The following SORCS1 variants were observed in gnomAD, a reference collection of about 807,000 sequenced individuals.
SORCS1 encodes VPS10 domain-containing receptor SorCS1.
A neutral mutation model predicts 146.1 loss-of-function variants in SORCS1; 60 were observed. That is an observed-to-expected ratio of 0.41 (90% CI 0.33 to 0.51). The LOEUF (loss-of-function observed/expected upper bound fraction) is 0.51. Among genes scored for constraint, SORCS1 ranks in the 20% least tolerant of loss-of-function variants. The pLI is 0.21. For synonymous variants in SORCS1, 637 were observed against 584.0 expected (o/e 1.09, Z -1.31); for missense variants, 1,352 against 1,487.6 (o/e 0.91, Z 1.50).
At chr10:106,627,399 C>A (rs1211392259) in intron 19 of SORCS1, among the ~76,000 whole-genome samples, 1 of 152,030 alleles carries the variant, frequency 6.6e-6, no homozygotes, top group South Asian at 2.1e-4. Flanking sequence ...GCAAAATCAC[C>A]CCTTATAGAA....
chr10:106,679,390 T>G (rs905616918), intron 11 of SORCS1, 58 bp from the exon 12 acceptor site: 10 of 1,386,642 alleles, frequency 7.2e-6, no homozygotes, highest in Non-Finnish European at 1.0e-5. Context: ...AACAATGGAC[T>G]ATATTGGCAG....
At chr10:106,581,335 A>ACACACACG (rs1237108923) in intron 24 of SORCS1, among the ~76,000 whole-genome samples, 1 of 151,678 alleles carries the variant, frequency 6.6e-6, no homozygotes, top group African/African-American at 2.4e-5. Flanking sequence ...ACACACACAC[A>ACACACACG]CACACACACA....
At chr10:107,155,722 G>A (rs1437559010) in intron 1 of SORCS1, among the ~76,000 whole-genome samples, 1 of 152,158 alleles carries the variant, frequency 6.6e-6, no homozygotes, top group African/African-American at 2.4e-5. Context: ...CAAAGGCCCT[G>A]CAGCAGAAGG....
chr10:106,654,677 A>T (rs1850140385), intron 17 of SORCS1, among the ~76,000 whole-genome samples: 1 of 152,190 alleles, frequency 6.6e-6, no homozygotes, highest in Non-Finnish European at 1.5e-5. Context: ...CATCTCACTT[A>T]CCAACCCAGC....
chr10:106,772,232 C>A (rs936783835), intron 4 of SORCS1, among the ~76,000 whole-genome samples: 2 of 152,074 alleles, frequency 1.3e-5, no homozygotes, highest in Non-Finnish European at 2.9e-5. Context: ...GCTGGGATAT[C>A]CATCTGTCTC....
At chr10:106,815,666 G>C (rs745339700) in intron 3 of SORCS1, among the ~76,000 whole-genome samples, 1 of 152,112 alleles carries the variant, frequency 6.6e-6, no homozygotes, top group Non-Finnish European at 1.5e-5. Context: ...TGTGGGGTAG[G>C]ATAAGTGAGA....
chr10:106,903,739 T>C (rs558888529), intron 2 of SORCS1, among the ~76,000 whole-genome samples: 1 of 152,354 alleles, frequency 6.6e-6, no homozygotes, highest in East Asian at 1.9e-4. Context: ...CTACTTACTA[T>C]GAGATTTTGC....
chr10:106,719,795 G>A (rs1458122348), intron 6 of SORCS1, among the ~76,000 whole-genome samples: 1 of 152,142 alleles, frequency 6.6e-6, no homozygotes, highest in East Asian at 1.9e-4. Flanking sequence ...ACAAAGAACA[G>A]TATGGCACAG....
chr10:106,742,879 AT>A (rs1857460159), intron 5 of SORCS1, among the ~76,000 whole-genome samples: 1 of 152,102 alleles, frequency 6.6e-6, no homozygotes. Flanking sequence ...TTGTTTGTTG[AT>A]GAAAAATTTC....
chr10:106,907,895 C>CAAA (rs11452551), intron 2 of SORCS1, among the ~76,000 whole-genome samples: 1 of 136,806 alleles, frequency 7.3e-6, no homozygotes, highest in African/African-American at 2.7e-5. Context: ...CCACTGCACT[C>CAAA]AAAAAAAAAA....
At chr10:106,796,402 C>G (rs961408240) in intron 3 of SORCS1, among the ~76,000 whole-genome samples, 4 of 152,120 alleles carry the variant, frequency 2.6e-5, no homozygotes, top group Admixed American at 2.0e-4. Flanking sequence ...TCTTGACATA[C>G]AATGTTTCTC....
At chr10:106,736,936 A>G (rs937448040) in intron 5 of SORCS1, among the ~76,000 whole-genome samples, 49 of 152,212 alleles carry the variant, frequency 3.2e-4, no homozygotes, top group African/African-American at 1.1e-3. Context: ...ACTGAGAATC[A>G]GCATTGCCAG....
chr10:106,738,864 C>T (rs1484025929), intron 5 of SORCS1, among the ~76,000 whole-genome samples: 4 of 152,094 alleles, frequency 2.6e-5, no homozygotes, highest in South Asian at 2.1e-4. Flanking sequence ...CAGTGGCTCA[C>T]GTCTGTAATC....
chr10:107,120,771 A>T (rs2134537541), intron 1 of SORCS1, among the ~76,000 whole-genome samples: 1 of 152,344 alleles, frequency 6.6e-6, no homozygotes, highest in Non-Finnish European at 1.5e-5. Flanking sequence ...TGCGGAAAGC[A>T]GGCTATCCAC....
In SORCS1 at chr10:106,914,361, C is replaced by CG. The variant is rs775576933; in HGVS notation, c.626+42151dup. On this transcript the variant is annotated intron_variant, in intron 2 of 25. Coordinates refer to ENST00000263054, the MANE Select transcript of SORCS1 (RefSeq NM_052918.5). ...CATTATCCAAGCTATTCTGGATTTCCGGGGGGTGATTTATAAGTATGTGCG... is the reference window on the plus strand; with the variant it reads ...CATTATCCAAGCTATTCTGGATTTCCGGGGGGGTGATTTATAAGTATGTGCG... Among the ~76,000 whole-genome samples the CG allele has an allele frequency of 9.6e-4, 146 of 152,068 alleles. 1 individual carries two copies. Among genetic ancestry groups the CG allele is most frequent in the Middle Eastern group, 3.4e-3 (1 of 294 alleles).
chr10:106,608,154 T>C (rs1394839339), intron 22 of SORCS1, among the ~76,000 whole-genome samples: 4 of 152,214 alleles, frequency 2.6e-5, no homozygotes, highest in Admixed American at 2.6e-4. Context: ...TCCAAAATGC[T>C]TGCAAGAATT....
intron 17 of SORCS1, among the ~76,000 whole-genome samples, chr10:106,658,996 G>A (rs1850515802): frequency 6.6e-6 from 1 of 152,130 alleles, no homozygotes. Context: ...ATAGACACAG[G>A]CAGCCCCAAA....
intron 2 of SORCS1, among the ~76,000 whole-genome samples, chr10:106,928,502 G>C (rs1344086656): frequency 6.6e-6 from 1 of 152,224 alleles, no homozygotes; most frequent in Admixed American, 6.5e-5. Context: ...CAAGCTGAGG[G>C]AGCCAGCTCT....
At chr10:107,026,419 A>G (rs1325698235) in intron 1 of SORCS1, among the ~76,000 whole-genome samples, 1 of 152,044 alleles carries the variant, frequency 6.6e-6, no homozygotes, top group Non-Finnish European at 1.5e-5. Context: ...GGAGATCGAG[A>G]CCATCCTGGC....
Sources: gnomAD v4.1 joint callset for allele counts (sites outside exome capture counted in the v4.1 genomes callset) on GRCh38, gnomAD v4.1.1 for gene constraint, MANE v1.5 for transcripts, NCBI Gene and HGNC (gene_info 2026-07-23, HGNC 2026-07-21) for gene names.